The following HOGA1 variants were observed in gnomAD, a reference collection of about 807,000 sequenced individuals.
HOGA1 encodes 4-hydroxy-2-oxoglutarate aldolase 1.
A neutral mutation model predicts 34.3 loss-of-function variants in HOGA1; 30 were observed. The observed-to-expected ratio is 0.87, with a 90% CI of 0.65 to 1.19. The LOEUF (loss-of-function observed/expected upper bound fraction) is 1.19. HOGA1 is among the 50% of genes most tolerant of loss of function. The pLI is 0.00. For missense variants in HOGA1, 417 were observed against 436.5 expected (o/e 0.96, Z 0.40); for synonymous variants, 161 against 174.0 (o/e 0.93, Z 0.59).
In HOGA1 at chr10:97,599,738, T is replaced by A; in HGVS notation, c.527T>A (p.Leu176Gln). The A allele has an allele frequency of 6.2e-7, 1 of 1,614,204 alleles. No individual in the cohort carries two copies. The highest frequency in any genetic ancestry group is 8.5e-7 in the Non-Finnish European group (1 of 1,180,030). Residue 176 changes from leucine (L) to glutamine (Q), a missense_variant, in exon 4 of 7, where the codon CTG becomes CAG. Physicochemically the swap from Leu to Gln is moderately radical, Grantham distance 113. Transcript: ENST00000370646. ...TACAGTGTCCCAGCCAACACAGGGCTGGACCTGCCTGTGGATGCAGTGGTC... is the reference window on the plus strand; with the variant it reads ...TACAGTGTCCCAGCCAACACAGGGCAGGACCTGCCTGTGGATGCAGTGGTC... ...VLYSVPANTG[L>Q]DLPVDAVVTL...
At chr10:97,597,051 G>A (rs1191008126) in intron 1 of HOGA1, among the ~76,000 whole-genome samples, 1 of 151,426 alleles carries the variant, frequency 6.6e-6, no homozygotes, top group Non-Finnish European at 1.5e-5. Context: ...CAGGAACTTT[G>A]TATACCAATA....
intron 5 of HOGA1, 111 bp downstream of exon 5, chr10:97,600,274 T>C: frequency 1.1e-6 from 1 of 893,496 alleles, no homozygotes. Flanking sequence ...GATGGTAGTT[T>C]GCCAGCCTGC....
intron 1 of HOGA1, among the ~76,000 whole-genome samples, chr10:97,588,816 A>G (rs1405744279): frequency 6.6e-6 from 1 of 152,220 alleles, no homozygotes; most frequent in Non-Finnish European, 1.5e-5. Flanking sequence ...TTAAAGCATC[A>G]CAATGTTTAC....
chr10:97,587,792 C>T (rs953152940), intron 1 of HOGA1, among the ~76,000 whole-genome samples: 8 of 152,094 alleles, frequency 5.3e-5, no homozygotes, highest in African/African-American at 2.4e-5. Flanking sequence ...AGGCGTGAGC[C>T]ACCGCGCTGG....
chr10:97,592,488 C>T (rs941934511), intron 1 of HOGA1, among the ~76,000 whole-genome samples: 1 of 151,770 alleles, frequency 6.6e-6, no homozygotes, highest in Non-Finnish European at 1.5e-5. Flanking sequence ...GATCCGCCAG[C>T]CTCGGCCTCC....
At chr10:97,601,735 C>A in intron 5 of HOGA1, 122 bp from the exon 6 acceptor site, 2 of 1,183,592 alleles carry the variant, frequency 1.7e-6, no homozygotes, top group Non-Finnish European at 2.5e-6. Context: ...TTTGATGTAG[C>A]CAGCCAAGTG....
intron 6 of HOGA1, among the ~76,000 whole-genome samples, chr10:97,607,225 A>C (rs1015031929): frequency 2.6e-5 from 4 of 151,998 alleles, no homozygotes; most frequent in African/African-American, 9.7e-5. Context: ...CCTCCACTGC[A>C]TTGCCTGTGT....
intron 6 of HOGA1, among the ~76,000 whole-genome samples, chr10:97,604,100 C>A (rs2041140465): frequency 6.6e-6 from 1 of 152,184 alleles, no homozygotes; most frequent in South Asian, 2.1e-4. Flanking sequence ...TTCACAGGCT[C>A]CTTAACCTCT....
chr10:97,609,428 C>T (rs538303624), intron 6 of HOGA1, among the ~76,000 whole-genome samples: 16 of 152,252 alleles, frequency 1.1e-4, no homozygotes, highest in East Asian at 3.9e-4. Flanking sequence ...CAGATCTCTG[C>T]GTGTCATCCC....
At chr10:97,591,075 C>A (rs2041018681) in intron 1 of HOGA1, 1 of 156,284 alleles carries the variant, frequency 6.4e-6, no homozygotes. Context: ...ATTTAAAGCT[C>A]CATAAAACAG....
chr10:97,587,162 T>G (rs2040977247), intron 1 of HOGA1, among the ~76,000 whole-genome samples: 1 of 152,132 alleles, frequency 6.6e-6, no homozygotes, highest in Admixed American at 6.5e-5. Flanking sequence ...ACAAACAACT[T>G]TAGCTCTGAA....
chr10:97,609,744 G>C (rs1327991318), intron 6 of HOGA1, among the ~76,000 whole-genome samples: 1 of 152,192 alleles, frequency 6.6e-6, no homozygotes, highest in Non-Finnish European at 1.5e-5. Context: ...TGGCAGGAGT[G>C]AGCTTTTCTC....
rs1417551231 is a variant in HOGA1 at position 97,584,680 on chromosome 10, T to C, written c.-24T>C. On this transcript the variant is annotated 5_prime_UTR_variant, in exon 1 of 7. Transcript: ENST00000370646. ...AGTCTCACTCTGGGACATAGACCAATTGTGCTTCAGGCCTCCTGCAGAGAT... is the reference window on the plus strand; with the variant it reads ...AGTCTCACTCTGGGACATAGACCAACTGTGCTTCAGGCCTCCTGCAGAGAT... 4 of 1,588,250 alleles carry C rather than the reference T, an allele frequency of 2.5e-6. No individual in the cohort carries two copies. Among genetic ancestry groups the C allele is most frequent in the Non-Finnish European group, 3.4e-6 (4 of 1,160,578 alleles).
rs746727072 is a variant in HOGA1 at position 97,603,550 on chromosome 10, TTTTTA to T, written c.834+1579_834+1583del. On this transcript the variant is annotated intron_variant, in intron 6 of 6. Transcript: ENST00000370646. This position sits in a 1 kb window ranked among gnomAD's most constrained non-coding sequence, Gnocchi z 4.5. ...GCCTACTGTATATTTTATATTTAACTTTTTATTTTATTTTATTTTATTTATTTATT... is the reference window on the plus strand; with the variant it reads ...GCCTACTGTATATTTTATATTTAACTTTTTATTTTATTTTATTTATTTATT... Among the ~76,000 whole-genome samples the T allele has an allele frequency of 6.6e-6, 1 of 151,508 alleles. No individual in the cohort carries two copies. The highest frequency in any genetic ancestry group is 2.4e-5 in the African/African-American group (1 of 41,306).
At chr10:97,594,249 C>T (rs945193459) in intron 1 of HOGA1, among the ~76,000 whole-genome samples, 1 of 147,586 alleles carries the variant, frequency 6.8e-6, no homozygotes, top group Non-Finnish European at 1.5e-5. Flanking sequence ...GATCTGGGCT[C>T]ACTGCAACCT....
chr10:97,599,035 G>T, intron 2 of HOGA1, 54 bp from the exon 3 acceptor site: 1 of 1,608,976 alleles, frequency 6.2e-7, no homozygotes, highest in Non-Finnish European at 8.5e-7. Flanking sequence ...TTGGCCCAGT[G>T]TCCTGGTCCA....
intron 1 of HOGA1, among the ~76,000 whole-genome samples, chr10:97,593,993 C>G (rs1024872354): frequency 1.3e-5 from 2 of 151,672 alleles, no homozygotes; most frequent in Non-Finnish European, 2.9e-5. Context: ...CTCAGCCTCC[C>G]GAATAGCTGG....
intron 2 of HOGA1, 71 bp downstream of exon 2, chr10:97,598,974 G>C: frequency 1.2e-6 from 2 of 1,609,232 alleles, no homozygotes; most frequent in South Asian, 2.2e-5. Flanking sequence ...CCCTAGCTTG[G>C]GTCCTGTCTC....
chr10:97,587,557 G>A (rs1448948586), intron 1 of HOGA1, among the ~76,000 whole-genome samples: 2 of 152,086 alleles, frequency 1.3e-5, no homozygotes, highest in African/African-American at 4.8e-5. Flanking sequence ...CGCTCAGGCT[G>A]GAGTGCAGTG....
Sources: allele counts gnomAD v4.1 joint callset (sites outside exome capture counted in the v4.1 genomes callset), GRCh38; gene constraint gnomAD v4.1.1; non-coding constraint Gnocchi (gnomAD v3.1); transcripts MANE v1.5; gene names NCBI Gene and HGNC (gene_info 2026-07-23, HGNC 2026-07-21).